The following VAT1L variants were observed in gnomAD, a reference collection of about 807,000 sequenced individuals.
The protein encoded by VAT1L is vesicle amine transport 1 like.
Under a neutral mutation model 44.1 loss-of-function variants are expected in VAT1L, and 34 were observed. The observed-to-expected ratio is 0.77, with a 90% CI of 0.59 to 1.03. VAT1L has a LOEUF of 1.03. Ranked by LOEUF, VAT1L falls within the 50% of genes least tolerant of loss-of-function variation. The probability of loss-of-function intolerance (pLI) is 0.00; values close to 1 mark genes in which losing one functional copy is unlikely to be tolerated. For missense variants in VAT1L, 615 were observed against 538.8 expected (o/e 1.14, Z -1.40); for synonymous variants, 253 against 202.2 (o/e 1.25, Z -2.13).
chr16:77,914,605 A>G (rs1891817191), intron 7 of VAT1L, among the ~76,000 whole-genome samples: 1 of 152,270 alleles, frequency 6.6e-6, no homozygotes, highest in Non-Finnish European at 1.5e-5. Context: ...AGTTCATTGA[A>G]TGAAATTTGT....
chr16:77,847,952 G>A (rs1448040905), intron 3 of VAT1L, among the ~76,000 whole-genome samples: 1 of 152,198 alleles, frequency 6.6e-6, no homozygotes, highest in Non-Finnish European at 1.5e-5. Flanking sequence ...CCACGTTTAA[G>A]AGGGTTATCA....
intron 3 of VAT1L, among the ~76,000 whole-genome samples, chr16:77,859,124 A>G (rs530831360): frequency 6.6e-6 from 1 of 150,722 alleles, no homozygotes; most frequent in Non-Finnish European, 1.5e-5. Flanking sequence ...AACAAGAGCG[A>G]AACTCCATCT....
At chr16:77,822,527 G>A (rs74029422) in intron 2 of VAT1L, among the ~76,000 whole-genome samples, 191 of 152,262 alleles carry the variant, frequency 1.3e-3, no homozygotes, top group African/African-American at 4.5e-3. Context: ...TCATTTAGGG[G>A]CTTGGAGGAG....
At chr16:77,894,033 C>T (rs535301373) in intron 7 of VAT1L, among the ~76,000 whole-genome samples, 4 of 152,164 alleles carry the variant, frequency 2.6e-5, no homozygotes, top group Admixed American at 6.5e-5. Flanking sequence ...GAGAGGAATA[C>T]GTTGCCCAAG....
intron 3 of VAT1L, among the ~76,000 whole-genome samples, chr16:77,829,528 A>G (rs903931016): frequency 9.2e-5 from 14 of 152,240 alleles, no homozygotes; most frequent in African/African-American, 3.1e-4. Flanking sequence ...CACTGCCTCC[A>G]TGCTCTGTCA....
intron 7 of VAT1L, among the ~76,000 whole-genome samples, chr16:77,927,998 C>T (rs1056397315): frequency 1.3e-5 from 2 of 152,330 alleles, no homozygotes; most frequent in South Asian, 2.1e-4. Context: ...CTAATTCAAT[C>T]CTTCCCATTA....
At chr16:77,927,494 C>T (rs1464143657) in intron 7 of VAT1L, among the ~76,000 whole-genome samples, 2 of 152,138 alleles carry the variant, frequency 1.3e-5, no homozygotes, top group Non-Finnish European at 2.9e-5. Flanking sequence ...CACTCTTTAG[C>T]CACTAGCTTT....
At chr16:77,970,226 A>T (rs555683996) in intron 7 of VAT1L, among the ~76,000 whole-genome samples, 1 of 152,228 alleles carries the variant, frequency 6.6e-6, no homozygotes, top group South Asian at 2.1e-4. Context: ...ACAGAGCAAG[A>T]CCCTGTCCCC....
intron 4 of VAT1L, among the ~76,000 whole-genome samples, chr16:77,863,311 G>A (rs975627174): frequency 1.3e-5 from 2 of 152,174 alleles, no homozygotes; most frequent in Admixed American, 1.3e-4. Flanking sequence ...CCAACAGATG[G>A]GCAGACAGCA....
intron 7 of VAT1L, among the ~76,000 whole-genome samples, chr16:77,921,352 T>C (rs1407774751): frequency 1.3e-5 from 2 of 152,170 alleles, no homozygotes; most frequent in Non-Finnish European, 2.9e-5. Context: ...AAGAAGCAGC[T>C]CTATTGTGTA....
intron 7 of VAT1L, among the ~76,000 whole-genome samples, chr16:77,891,481 G>A (rs145638650): frequency 1.1e-3 from 160 of 152,274 alleles, no homozygotes; most frequent in African/African-American, 3.6e-3. Flanking sequence ...TCTATGAGAC[G>A]GTATCATCCT....
chr16:77,863,630 G>A (rs1002693147), intron 4 of VAT1L, among the ~76,000 whole-genome samples: 1 of 152,198 alleles, frequency 6.6e-6, no homozygotes, highest in African/African-American at 2.4e-5. Context: ...TCTGGGAAAG[G>A]AAAGTCGTGT....
intron 7 of VAT1L, among the ~76,000 whole-genome samples, chr16:77,943,149 C>T (rs1458868068): frequency 6.6e-5 from 10 of 151,400 alleles, no homozygotes; most frequent in African/African-American, 1.7e-4. Context: ...CTCCACCTCC[C>T]GGGTTCAAGC....
Position 77,884,499 on chromosome 16 carries a change from C to T in VAT1L, c.883-109C>T. The T allele has an allele frequency of 1.9e-6, 2 of 1,064,868 alleles. No individual in the cohort carries two copies. Among genetic ancestry groups the T allele is most frequent in the Non-Finnish European group, 2.6e-6 (2 of 757,436 alleles). 66.0% of individuals were successfully genotyped at this position (1,064,868 alleles called of 1,614,324 possible). A position where few individuals can be genotyped will look rare whatever the true frequency, so the allele number is the denominator to read the frequency against. On this transcript the variant is annotated intron_variant, in intron 6 of 8. Transcript: ENST00000302536. The surrounding 1 kb of genome is among the most constrained non-coding windows in gnomAD (Gnocchi z 4.5). Reference sequence around the variant, plus strand: ...CCTTGGCCAGCTGGAATCTGCTGAGCTGCAGCCCCACGTTCCCCCTGTAGT... The same window carrying T: ...CCTTGGCCAGCTGGAATCTGCTGAGTTGCAGCCCCACGTTCCCCCTGTAGT...
At chr16:77,822,991 T>G (rs1053658736) in intron 2 of VAT1L, among the ~76,000 whole-genome samples, 9 of 152,206 alleles carry the variant, frequency 5.9e-5, no homozygotes, top group African/African-American at 2.2e-4. Context: ...TCACCTGAAC[T>G]CCTCATTACC....
At chr16:77,870,305 C>T (rs1392008496) in intron 4 of VAT1L, among the ~76,000 whole-genome samples, 1 of 152,222 alleles carries the variant, frequency 6.6e-6, no homozygotes, top group Non-Finnish European at 1.5e-5. Flanking sequence ...GAAATAGTCT[C>T]ATCCTGTGAT....
Position 77,977,857 on chromosome 16 carries a change from A to C in VAT1L, c.*162A>C. 1 of 663,458 alleles carries C rather than the reference A, an allele frequency of 1.5e-6. No homozygotes were observed. The highest frequency in any genetic ancestry group is 2.7e-6 in the Non-Finnish European group (1 of 376,168). 41.1% of individuals were successfully genotyped at this position (663,458 alleles called of 1,614,324 possible). On this transcript the variant is annotated 3_prime_UTR_variant, in exon 9 of 9. Transcript: ENST00000302536. The stretch of plus-strand genomic sequence containing the variant: ...AGCTGTTGATCACTGTTGTTTTTTG[A>C]AGTGCCAATCCCATGCCATGCAGTA...
chr16:77,855,533 A>T (rs1187091461), intron 3 of VAT1L, among the ~76,000 whole-genome samples: 1 of 152,130 alleles, frequency 6.6e-6, no homozygotes, highest in Non-Finnish European at 1.5e-5. Context: ...TAGTGCACCA[A>T]TGCAGTCTTT....
At chr16:77,811,769 T>G (rs1303382876) in intron 1 of VAT1L, among the ~76,000 whole-genome samples, 2 of 152,218 alleles carry the variant, frequency 1.3e-5, no homozygotes, top group Admixed American at 6.5e-5. Flanking sequence ...CATCACTTAC[T>G]AGGTAACAGA....
Sources: gnomAD v4.1 joint callset for allele counts (sites outside exome capture counted in the v4.1 genomes callset) on GRCh38, gnomAD v4.1.1 for gene constraint, Gnocchi (gnomAD v3.1) non-coding constraint, MANE v1.5 for transcripts, NCBI Gene and HGNC (gene_info 2026-07-23, HGNC 2026-07-21) for gene names.